EXOC6B: variants seen among roughly 807,000 people sequenced by gnomAD.
EXOC6B encodes exocyst complex component 6B.
A neutral mutation model predicts 113.5 loss-of-function variants in EXOC6B; 54 were observed. That is an observed-to-expected ratio of 0.48 (90% CI 0.38 to 0.60). The LOEUF (loss-of-function observed/expected upper bound fraction) is 0.60. EXOC6B is among the 20% of genes least tolerant of loss of function. The pLI is 0.00. For synonymous variants in EXOC6B, 357 were observed against 339.0 expected (o/e 1.05, Z -0.58); for missense variants, 797 against 977.5 (o/e 0.82, Z 2.46).
At chr2:72,516,584 G>GT (rs1279469567) in intron 8 of EXOC6B, among the ~76,000 whole-genome samples, 1 of 152,106 alleles carries the variant, frequency 6.6e-6, no homozygotes, top group Non-Finnish European at 1.5e-5. Context: ...ATAAATAAGA[G>GT]TAAAAATGAA....
At chr2:72,460,445 C>T (rs373534841) in intron 18 of EXOC6B, among the ~76,000 whole-genome samples, 100 of 151,686 alleles carry the variant, frequency 6.6e-4, no homozygotes, top group Non-Finnish European at 1.0e-3. Flanking sequence ...AGAAAATTTT[C>T]GCAACCTACT....
intron 16 of EXOC6B, among the ~76,000 whole-genome samples, chr2:72,485,192 C>T (rs1699353995): frequency 6.6e-6 from 1 of 152,150 alleles, no homozygotes; most frequent in Admixed American, 6.5e-5. Flanking sequence ...CTTGACAAAC[C>T]CCAGAAAATA....
At chr2:72,325,610 C>A (rs181022599) in intron 20 of EXOC6B, among the ~76,000 whole-genome samples, 1 of 151,982 alleles carries the variant, frequency 6.6e-6, no homozygotes, top group Non-Finnish European at 1.5e-5. Context: ...ACATGGCCCA[C>A]GGTGCCTCTC....
chr2:72,480,862 T>A, intron 16 of EXOC6B, 112 bp from the exon 17 acceptor site: 1 of 1,096,432 alleles, frequency 9.1e-7, no homozygotes, highest in African/African-American at 1.6e-5. Flanking sequence ...GAAAAGGCCA[T>A]CCACATTCGG....
intron 6 of EXOC6B, among the ~76,000 whole-genome samples, chr2:72,664,510 G>T (rs986483934): frequency 2.0e-5 from 3 of 152,172 alleles, no homozygotes; most frequent in African/African-American, 4.8e-5. Flanking sequence ...TTAACAGGGG[G>T]ATCTCCCTGG....
rs187503219 is a variant in EXOC6B at position 72,420,857 on chromosome 2, C to T, written c.1981-40987G>A. On this transcript the variant is annotated intron_variant, in intron 18 of 21. Transcript: ENST00000272427. ...AACTAATTTACACTCCCACCAACAA[C>T]GTAAAAGCGTTCCTATTTCTCCACA... 6.4e-4 allele frequency among the ~76,000 whole-genome samples: 98 copies of T among 152,254 alleles called. 1 individual carries two copies. Among genetic ancestry groups the T allele is most frequent in the East Asian group, 2.1e-3 (11 of 5,172 alleles).
At chr2:72,504,487 T>C (rs550409000) in intron 11 of EXOC6B, among the ~76,000 whole-genome samples, 3 of 152,336 alleles carry the variant, frequency 2.0e-5, no homozygotes, top group Non-Finnish European at 2.9e-5. Flanking sequence ...AGCTATACTT[T>C]GGTTATTTTC....
intron 20 of EXOC6B, among the ~76,000 whole-genome samples, chr2:72,260,538 A>G (rs532917182): frequency 1.3e-5 from 2 of 152,332 alleles, no homozygotes; most frequent in East Asian, 3.9e-4. Flanking sequence ...CCCATGGCCA[A>G]TAATCTAGAC....
At chr2:72,356,192 G>A (rs1319417983) in intron 19 of EXOC6B, among the ~76,000 whole-genome samples, 1 of 152,058 alleles carries the variant, frequency 6.6e-6, no homozygotes, top group Non-Finnish European at 1.5e-5. Context: ...GTATGTTCAG[G>A]TTCAGATACC....
intron 6 of EXOC6B, among the ~76,000 whole-genome samples, chr2:72,585,526 G>A (rs543436120): frequency 1.3e-5 from 2 of 152,086 alleles, no homozygotes; most frequent in South Asian, 4.2e-4. Context: ...GAACCCAGGA[G>A]GCAGAGGGTG....
rs867582825 is a variant in EXOC6B at position 72,504,241 on chromosome 2, A to G, written c.1168-4269T>C. On this transcript the variant is annotated intron_variant, in intron 11 of 21. Coordinates refer to ENST00000272427, the MANE Select transcript of EXOC6B (RefSeq NM_015189.3). ...TTGTTTAATTTTAAGACGTCATTGT[A>G]TATTTAGAACAGCAGTCCTTTATCA... is the stretch of plus-strand genomic sequence containing the variant. Among the ~76,000 whole-genome samples, 6 of 152,082 alleles carry G rather than the reference A, an allele frequency of 3.9e-5. 1 individual carries two copies. The South Asian group carries it at 1.2e-3, about 32-fold the overall frequency.
chr2:72,643,807 TAAAAAATAAATA>T (rs1558874520), intron 6 of EXOC6B, among the ~76,000 whole-genome samples: 1 of 146,010 alleles, frequency 6.8e-6, no homozygotes, highest in African/African-American at 2.5e-5. Context: ...TAAAAAAAAT[TAAAAAATAAATA>T]AATAAATAAA....
intron 5 of EXOC6B, among the ~76,000 whole-genome samples, chr2:72,720,922 G>A (rs1045540275): frequency 2.0e-5 from 3 of 151,434 alleles, no homozygotes; most frequent in Non-Finnish European, 2.9e-5. Context: ...AGCATAGAAG[G>A]ACAAATAAAA....
chr2:72,477,126 C>T (rs1448080503), intron 17 of EXOC6B, among the ~76,000 whole-genome samples: 1 of 152,170 alleles, frequency 6.6e-6, no homozygotes, highest in Non-Finnish European at 1.5e-5. Flanking sequence ...CCTGTGCCAT[C>T]AAATATCATC....
chr2:72,241,649 G>A (rs1213835107), intron 20 of EXOC6B, among the ~76,000 whole-genome samples: 1 of 151,950 alleles, frequency 6.6e-6, no homozygotes, highest in Non-Finnish European at 1.5e-5. Flanking sequence ...CTATATAGAA[G>A]CAAGAATAAG....
chr2:72,486,962 G>C (rs1174930165), intron 16 of EXOC6B, among the ~76,000 whole-genome samples: 1 of 151,292 alleles, frequency 6.6e-6, no homozygotes, highest in African/African-American at 2.4e-5. Flanking sequence ...TGAAAGAGCT[G>C]TCTTATATTT....
At chr2:72,234,011 G>T (rs950411293) in intron 20 of EXOC6B, among the ~76,000 whole-genome samples, 10 of 151,938 alleles carry the variant, frequency 6.6e-5, no homozygotes, top group African/African-American at 2.4e-4. Flanking sequence ...AGCCAGGTGG[G>T]CAATGCCTGC....
chr2:72,454,562 TTGTAAG>T (rs1236857915), intron 18 of EXOC6B, among the ~76,000 whole-genome samples: 3 of 152,206 alleles, frequency 2.0e-5, no homozygotes, highest in South Asian at 4.2e-4. Context: ...GTATGAAAAT[TTGTAAG>T]TGTGGAATTT....
chr2:72,767,827 A>AAAAAAAAAAAAAAAAAAAAAAAAAC (rs1683171576), intron 1 of EXOC6B, among the ~76,000 whole-genome samples: 1 of 141,010 alleles, frequency 7.1e-6, no homozygotes, highest in Non-Finnish European at 1.5e-5. Flanking sequence ...AAAAAAAAAA[A>AAAAAAAAAAAAAAAAAAAAAAAAAC]AAAAAAGACC....
Sources: allele counts gnomAD v4.1 joint callset (sites outside exome capture counted in the v4.1 genomes callset), GRCh38; gene constraint gnomAD v4.1.1; transcripts MANE v1.5; gene names NCBI Gene and HGNC (gene_info 2026-07-23, HGNC 2026-07-21).